C4orf36: variants seen among roughly 807,000 people sequenced by gnomAD.
The protein encoded by C4orf36 is chromosome 4 open reading frame 36.
Under a neutral mutation model 12.2 loss-of-function variants are expected in C4orf36, and 11 were observed. That is an observed-to-expected ratio of 0.90 (90% CI 0.57 to 1.49). C4orf36 has a LOEUF of 1.49. C4orf36 is among the 40% of genes most tolerant of loss of function. The pLI is 0.00. For synonymous variants in C4orf36, 54 were observed against 51.3 expected (o/e 1.05, Z -0.22); for missense variants, 137 against 133.9 (o/e 1.02, Z -0.11).
chr4:86,908,592 C>A, the C4orf36 span, among the ~76,000 whole-genome samples: 1 of 151,384 alleles, frequency 6.6e-6, no homozygotes, highest in South Asian at 2.1e-4. Flanking sequence ...AAGAGAAGTA[C>A]ACTTACACTC....
At chr4:86,914,867 C>T in the C4orf36 span, 14 of 397,698 alleles carry the variant, frequency 3.5e-5, 1 homozygote, top group South Asian at 2.3e-4. Context: ...GGAGTCCGGA[C>T]GGGCTTGGAG....
At chr4:86,934,843 A>G in the C4orf36 span, 1 of 152,064 alleles carries the variant, frequency 6.6e-6, no homozygotes, top group Non-Finnish European at 1.5e-5. Flanking sequence ...TCCTCCCACC[A>G]ATCCCGGGAG....
At chr4:86,886,158 C>G (rs1747173134) in intron 4 of C4orf36, among the ~76,000 whole-genome samples, 1 of 152,134 alleles carries the variant, frequency 6.6e-6, no homozygotes. Flanking sequence ...GTCTAAAATT[C>G]TCTTTTTTGG....
intron 4 of C4orf36, among the ~76,000 whole-genome samples, chr4:86,885,242 T>A (rs1479836965): frequency 1.3e-5 from 2 of 152,158 alleles, no homozygotes; most frequent in Non-Finnish European, 2.9e-5. Context: ...AAGAAAGTCA[T>A]TGGTAGCTTG....
upstream of C4orf36, among the ~76,000 whole-genome samples, chr4:86,894,063 A>AT (rs1485913851): frequency 3.3e-5 from 5 of 151,470 alleles, no homozygotes; most frequent in Non-Finnish European, 7.4e-5. Context: ...CGCCCAGCTG[A>AT]TTTTTTTGTA....
At chr4:86,924,689 T>C in the C4orf36 span, 1 of 152,206 alleles carries the variant, frequency 6.6e-6, no homozygotes, top group African/African-American at 2.4e-5. Flanking sequence ...TCTTATAATG[T>C]GGGTCCTTGT....
chr4:86,933,070 C>A, the C4orf36 span: 2 of 152,046 alleles, frequency 1.3e-5, no homozygotes, highest in Non-Finnish European at 2.9e-5. Context: ...AGTGTAATCA[C>A]TTTTTAAAAT....
chr4:86,878,994 G>A (rs552717169), intron 4 of C4orf36, among the ~76,000 whole-genome samples: 2 of 152,244 alleles, frequency 1.3e-5, no homozygotes, highest in Non-Finnish European at 2.9e-5. Flanking sequence ...TAGCCAGGCT[G>A]ACTGGTGAAG....
the C4orf36 span, among the ~76,000 whole-genome samples, chr4:86,921,461 T>C: frequency 6.6e-6 from 1 of 152,180 alleles, no homozygotes; most frequent in East Asian, 1.9e-4. Flanking sequence ...TGGCTACATA[T>C]TTTCTCTTTG....
chr4:86,887,045 T>C (rs1438370921), intron 4 of C4orf36: 2 of 149,488 alleles, frequency 1.3e-5, no homozygotes, highest in African/African-American at 5.0e-5. Flanking sequence ...TTCTCACTCA[T>C]AGGTGAGAAT....
chr4:86,926,805 G>A, the C4orf36 span, among the ~76,000 whole-genome samples: 5 of 152,252 alleles, frequency 3.3e-5, no homozygotes, highest in Middle Eastern at 3.4e-3. Context: ...TGTGCCTGCC[G>A]TACAATCCTC....
At chr4:86,910,535 TATC>T in the C4orf36 span, among the ~76,000 whole-genome samples, 1,436 of 152,152 alleles carry the variant, frequency 9.4e-3, 26 homozygotes, top group African/African-American at 0.033. Flanking sequence ...AATGTGAAAA[TATC>T]ATCCCAAGGG....
chr4:86,889,546 A>C (rs185175337), intron 2 of C4orf36, among the ~76,000 whole-genome samples: 29 of 152,330 alleles, frequency 1.9e-4, no homozygotes, highest in Non-Finnish European at 3.1e-4. Context: ...GAACTCATGT[A>C]ATTACTGCAA....
the C4orf36 span, chr4:86,935,935 G>C: frequency 6.6e-6 from 1 of 152,334 alleles, no homozygotes; most frequent in Admixed American, 6.5e-5. Flanking sequence ...TGCGAGCGCC[G>C]GAGCCAGCGA....
the C4orf36 span, among the ~76,000 whole-genome samples, chr4:86,900,324 C>T: frequency 4.7e-4 from 72 of 152,228 alleles, no homozygotes; most frequent in Non-Finnish European, 6.6e-4. Context: ...TGAGCCACCG[C>T]ACCTGGCAGT....
At chr4:86,885,652 A>G (rs185983245) in intron 4 of C4orf36, among the ~76,000 whole-genome samples, 2,648 of 152,272 alleles carry the variant, frequency 0.017, 80 homozygotes, top group African/African-American at 0.061. Context: ...AAACAGGGAC[A>G]ATTTGACTTC....
upstream of C4orf36, among the ~76,000 whole-genome samples, chr4:86,895,753 A>G (rs199559130): frequency 4.7e-5 from 7 of 150,424 alleles, no homozygotes; most frequent in East Asian, 1.4e-3. Flanking sequence ...CTCTATTTCT[A>G]TCTCTATCTC....
chr4:86,908,395 T>C, the C4orf36 span, among the ~76,000 whole-genome samples: 1 of 151,970 alleles, frequency 6.6e-6, no homozygotes, highest in Non-Finnish European at 1.5e-5. Context: ...TTACTTCCTC[T>C]CTTGCCCTGG....
chr4:86,921,265 A>G, the C4orf36 span, among the ~76,000 whole-genome samples: 1 of 152,032 alleles, frequency 6.6e-6, no homozygotes, highest in South Asian at 2.1e-4. Context: ...TGTCACACAC[A>G]CAAAAAAATA....
Sources: gnomAD v4.1 joint callset for allele counts (sites outside exome capture counted in the v4.1 genomes callset) on GRCh38, gnomAD v4.1.1 for gene constraint, MANE v1.5 for transcripts, NCBI Gene and HGNC (gene_info 2026-07-23, HGNC 2026-07-21) for gene names.